USP6NL: variants seen among roughly 807,000 people sequenced by gnomAD.
The protein encoded by USP6NL is USP6 N-terminal-like protein.
In USP6NL, 26 loss-of-function variants were observed where a neutral mutation model predicts 61.9. The observed-to-expected ratio is 0.42, with a 90% CI of 0.31 to 0.58. The LOEUF (loss-of-function observed/expected upper bound fraction) is 0.58, where lower values mean the gene tolerates loss of function less well. USP6NL is among the 20% of genes least tolerant of loss of function. The pLI is 0.16. For missense variants in USP6NL, 1,114 were observed against 1,034.3 expected, an observed-to-expected ratio of 1.08 and a Z score of -1.06; for synonymous variants, 432 against 390.1, an observed-to-expected ratio of 1.11 and a Z score of -1.27.
rs905952402 is a variant in USP6NL, at chr10:11,595,614, T to C, written c.4+2017A>G. Among the ~76,000 whole-genome samples, 2 of 151,856 alleles carry C rather than the reference T, an allele frequency of 1.3e-5. No individual in the cohort carries two copies. The highest frequency in any genetic ancestry group is 4.8e-5 in the African/African-American group (2 of 41,296). Reference sequence around the variant, plus strand: ...CTCCAAAGCCAGGCAGAGACAAATATGAATCTGCTAGACCAGCATGAAAAA... The same window carrying C: ...CTCCAAAGCCAGGCAGAGACAAATACGAATCTGCTAGACCAGCATGAAAAA... On this transcript the variant is annotated intron_variant, in intron 2 of 14. Coordinates refer to ENST00000609104, the MANE Select transcript of USP6NL (RefSeq NM_014688.5). The surrounding 1 kb of genome is among the most constrained non-coding windows in gnomAD (Gnocchi z 5.3).
In USP6NL at chr10:11,465,812, C is replaced by T. The variant is rs1832426960; in HGVS notation, c.1079-1963G>A. 6.6e-6 allele frequency among the ~76,000 whole-genome samples: 1 copy of T among 152,166 alleles called. No individual in the cohort carries two copies. Among genetic ancestry groups the T allele is most frequent in the Admixed American group, 6.5e-5 (1 of 15,276 alleles). On this transcript the variant is annotated intron_variant, in intron 14 of 14. Coordinates refer to ENST00000609104, the MANE Select transcript of USP6NL (RefSeq NM_014688.5). The surrounding 1 kb of genome is among the most constrained non-coding windows in gnomAD (Gnocchi z 4.5). ...AGGGCAGCTACCCTTAGCTCTATAT[C>T]CCCAATCTCAAAACTGGATTGTTTT...
intron 2 of USP6NL, among the ~76,000 whole-genome samples, chr10:11,544,063 G>A (rs1338186297): frequency 2.0e-5 from 3 of 151,840 alleles, no homozygotes; most frequent in Admixed American, 6.6e-5. Context: ...CACCTGCCTC[G>A]GCCTCCCAAA....
rs892282685 is a variant in USP6NL, at chr10:11,595,433, T to C, written c.4+2198A>G. 1.4e-4 allele frequency among the ~76,000 whole-genome samples: 22 copies of C among 152,244 alleles called. No individual in the cohort carries two copies. The highest frequency in any genetic ancestry group is 4.8e-4 in the African/African-American group (20 of 41,548). ...ACTTTTCCTTAATTATGAAACTAGA[T>C]TGAAAATGCTTCTACTAACTGTGCT... On this transcript the variant is annotated intron_variant, in intron 2 of 14. Transcript: ENST00000609104. This position sits in a 1 kb window ranked among gnomAD's most constrained non-coding sequence, Gnocchi z 5.3.
chr10:11,584,007 C>T (rs750713694), intron 2 of USP6NL, among the ~76,000 whole-genome samples: 8 of 151,278 alleles, frequency 5.3e-5, no homozygotes, highest in East Asian at 1.9e-4. Context: ...CCAGCCTGGG[C>T]GACACAGCGA....
At chr10:11,566,205 A>G (rs957794035) in intron 2 of USP6NL, among the ~76,000 whole-genome samples, 3 of 152,234 alleles carry the variant, frequency 2.0e-5, no homozygotes, top group Non-Finnish European at 2.9e-5. Context: ...TTTTTAAGCT[A>G]GAGTGTGTGG....
chr10:11,533,455 A>C (rs557479196), intron 2 of USP6NL, among the ~76,000 whole-genome samples: 1 of 152,214 alleles, frequency 6.6e-6, no homozygotes, highest in Non-Finnish European at 1.5e-5. Flanking sequence ...TCAGCTAAGG[A>C]TCTTGAGTTC....
In USP6NL at chr10:11,596,438, G is replaced by A. The variant is rs964181442; in HGVS notation, c.4+1193C>T. Among the ~76,000 whole-genome samples, 1 of 152,054 alleles carries A rather than the reference G, an allele frequency of 6.6e-6. No homozygotes were observed. The highest frequency in any genetic ancestry group is 2.4e-5 in the African/African-American group (1 of 41,474). ...AGATCGAGACCATCCTGACTAACAC[G>A]GTGAAACCCCGTCTCTACTAAAAAT... On this transcript the variant is annotated intron_variant, in intron 2 of 14. Coordinates refer to ENST00000609104, the MANE Select transcript of USP6NL (RefSeq NM_014688.5). The surrounding 1 kb of genome is among the most constrained non-coding windows in gnomAD (Gnocchi z 4.1).
Position 11,487,423 on chromosome 10 carries a change from T to C in USP6NL, c.665-1512A>G, listed in dbSNP as rs930618837. Reference sequence around the variant, plus strand: ...GGATAGTAGAATTAATATTGTTTTATAGATTAGTCTAGTGACAATAATTGC... The same window carrying C: ...GGATAGTAGAATTAATATTGTTTTACAGATTAGTCTAGTGACAATAATTGC... On this transcript the variant is annotated intron_variant, in intron 10 of 14. Coordinates refer to ENST00000609104, the MANE Select transcript of USP6NL (RefSeq NM_014688.5). This position sits in a 1 kb window ranked among gnomAD's most constrained non-coding sequence, Gnocchi z 4.2. Among the ~76,000 whole-genome samples the C allele has an allele frequency of 1.3e-5, 2 of 152,236 alleles. No individual in the cohort carries two copies. Among genetic ancestry groups the C allele is most frequent in the African/African-American group, 4.8e-5 (2 of 41,462 alleles).
intron 6 of USP6NL, among the ~76,000 whole-genome samples, chr10:11,503,872 T>C (rs1834320334): frequency 6.6e-6 from 1 of 152,154 alleles, no homozygotes; most frequent in African/African-American, 2.4e-5. Context: ...CACAAGATGT[T>C]ATAAAAGATG....
In USP6NL at chr10:11,470,513, C is replaced by T. The variant is rs913293436; in HGVS notation, c.1079-6664G>A. ...GAAGGACGAATGCCATCACCAGTAA[C>T]ATTTTTATATGCCAATTAGTATTCT... is the stretch of plus-strand genomic sequence containing the variant. On this transcript the variant is annotated intron_variant, in intron 14 of 14. Coordinates refer to ENST00000609104, the MANE Select transcript of USP6NL (RefSeq NM_014688.5). This position sits in a 1 kb window ranked among gnomAD's most constrained non-coding sequence, Gnocchi z 5.4. 6.6e-6 allele frequency among the ~76,000 whole-genome samples: 1 copy of T among 152,184 alleles called. No individual in the cohort carries two copies. The highest frequency in any genetic ancestry group is 1.5e-5 in the Non-Finnish European group (1 of 68,034).
In USP6NL at chr10:11,513,503, G is replaced by A. The variant is rs976919671; in HGVS notation, c.196-3828C>T. Among the ~76,000 whole-genome samples the A allele has an allele frequency of 2.0e-5, 3 of 152,178 alleles. No homozygotes were observed. The highest frequency in any genetic ancestry group is 4.4e-5 in the Non-Finnish European group (3 of 68,032). ...TATTTTGAAATATTTCAAACCTACA[G>A]AAAAGTTGAGAGAATAGTATGTCAC... On this transcript the variant is annotated intron_variant, in intron 5 of 14. Coordinates refer to ENST00000609104, the MANE Select transcript of USP6NL (RefSeq NM_014688.5). The surrounding 1 kb of genome is among the most constrained non-coding windows in gnomAD (Gnocchi z 4.7).
At chr10:11,475,870 A>T (rs1383460786) in intron 14 of USP6NL, among the ~76,000 whole-genome samples, 1 of 152,202 alleles carries the variant, frequency 6.6e-6, no homozygotes, top group South Asian at 2.1e-4. Flanking sequence ...CATCTCCAGT[A>T]TTAAGAAAAC....
At chr10:11,527,157 GAGA>G (rs1201343666) in intron 3 of USP6NL, among the ~76,000 whole-genome samples, 2 of 152,108 alleles carry the variant, frequency 1.3e-5, no homozygotes, top group Non-Finnish European at 2.9e-5. Flanking sequence ...TGGGAGGTCA[GAGA>G]AGATCTCAGT....
chr10:11,530,951 C>T (rs1473428569), intron 2 of USP6NL, among the ~76,000 whole-genome samples: 2 of 152,116 alleles, frequency 1.3e-5, no homozygotes, highest in East Asian at 1.9e-4. Flanking sequence ...ACCGTGTGCC[C>T]CAAAACAGTG....
rs1022601562 is a variant in USP6NL, at chr10:11,489,616, A to T, written c.544-394T>A. 5.9e-5 allele frequency among the ~76,000 whole-genome samples: 9 copies of T among 152,164 alleles called. No individual in the cohort carries two copies. The highest frequency in any genetic ancestry group is 1.5e-5 in the Non-Finnish European group (1 of 68,036). ...CTGTCTTGTCTCCTCTAGATTTCTG[A>T]ACCCTTAAGCAGACACATCTTGGGA... On this transcript the variant is annotated intron_variant, in intron 9 of 14. Transcript: ENST00000609104. The surrounding 1 kb of genome is among the most constrained non-coding windows in gnomAD (Gnocchi z 5.7).
intron 2 of USP6NL, among the ~76,000 whole-genome samples, chr10:11,544,336 C>T (rs949436623): frequency 6.6e-5 from 10 of 152,124 alleles, no homozygotes; most frequent in East Asian, 1.9e-4. Flanking sequence ...AATACCAACT[C>T]CAAGGAGACT....
In USP6NL at chr10:11,496,331, G is replaced by A. The variant is rs922688140; in HGVS notation, c.385-3103C>T. ...GCAGTTGGCAATTACCAAGCCTTAC[G>A]GAGATTCTGAGCTACTAATCAGGTT... On this transcript the variant is annotated intron_variant, in intron 7 of 14. Transcript: ENST00000609104. This position sits in a 1 kb window ranked among gnomAD's most constrained non-coding sequence, Gnocchi z 5.4. Among the ~76,000 whole-genome samples the A allele has an allele frequency of 2.0e-5, 3 of 152,186 alleles. No individual in the cohort carries two copies. Among genetic ancestry groups the A allele is most frequent in the Non-Finnish European group, 2.9e-5 (2 of 68,036 alleles).
At position 11,611,052 on chromosome 10, in the gene USP6NL, G is replaced by C. The variant is rs1486812082; in HGVS notation, c.-84+391C>G. On this transcript the variant is annotated intron_variant, in intron 1 of 14. Coordinates refer to ENST00000609104, the MANE Select transcript of USP6NL (RefSeq NM_014688.5). This position sits in a 1 kb window ranked among gnomAD's most constrained non-coding sequence, Gnocchi z 5.3. ...CATCAAGGCAGTCATTTAAAGGCAC[G>C]AAGTTTGCCCGGGTCCTGCCCACTG... 1.3e-5 allele frequency among the ~76,000 whole-genome samples: 2 copies of C among 152,156 alleles called. No homozygotes were observed. Among genetic ancestry groups the C allele is most frequent in the Non-Finnish European group, 2.9e-5 (2 of 68,016 alleles).
At chr10:11,606,436 T>G (rs1258298387) in intron 1 of USP6NL, among the ~76,000 whole-genome samples, 3 of 152,178 alleles carry the variant, frequency 2.0e-5, no homozygotes, top group Non-Finnish European at 4.4e-5. Flanking sequence ...TGCAGTTAAG[T>G]CTAATTAAAT....
Sources: gnomAD v4.1 joint callset for allele counts (sites outside exome capture counted in the v4.1 genomes callset) on GRCh38, gnomAD v4.1.1 for gene constraint, Gnocchi (gnomAD v3.1) non-coding constraint, MANE v1.5 for transcripts, NCBI Gene and HGNC (gene_info 2026-07-23, HGNC 2026-07-21) for gene names.